MKRN1: variants seen among roughly 807,000 people sequenced by gnomAD.
The protein encoded by MKRN1 is makorin ring finger protein 1, also known as E3 ubiquitin-protein ligase makorin-1.
In MKRN1, 9 loss-of-function variants were observed where a neutral mutation model predicts 55.5. The ratio of observed to expected loss-of-function variants is 0.16; its 90% CI spans 0.10 to 0.28. The LOEUF is 0.28. Among genes scored for constraint, MKRN1 ranks in the 10% least tolerant of loss-of-function variants. MKRN1 has a pLI of 1.00. For synonymous variants in MKRN1, 253 were observed against 235.9 expected (o/e 1.07, Z -0.66); for missense variants, 488 against 626.7 (o/e 0.78, Z 2.36).
intron 2 of MKRN1, among the ~76,000 whole-genome samples, chr7:140,462,531 G>A (rs1794652785): frequency 6.6e-6 from 1 of 152,152 alleles, no homozygotes; most frequent in African/African-American, 2.4e-5. Flanking sequence ...ATTTTACTGA[G>A]CTGGTCTTTA....
chr7:140,463,679 A>T (rs564431902), intron 2 of MKRN1, among the ~76,000 whole-genome samples: 4 of 152,042 alleles, frequency 2.6e-5, no homozygotes, highest in Middle Eastern at 3.4e-3. Flanking sequence ...AGGTCAGGAG[A>T]TGGAGACCAT....
chr7:140,472,118 C>A (rs935671739), intron 1 of MKRN1, 107 bp from the exon 2 acceptor site: 1 of 1,456,362 alleles, frequency 6.9e-7, no homozygotes, highest in Non-Finnish European at 9.3e-7. Context: ...CACAAACATA[C>A]GAAATAAACA....
chr7:140,472,985 C>T (rs1794979582), intron 1 of MKRN1, among the ~76,000 whole-genome samples: 1 of 151,344 alleles, frequency 6.6e-6, no homozygotes, highest in African/African-American at 2.4e-5. Context: ...GGCATGGTGG[C>T]AGGCACCTGT....
intron 3 of MKRN1, 76 bp downstream of exon 3, chr7:140,459,631 A>T: frequency 7.2e-7 from 1 of 1,386,844 alleles, no homozygotes; most frequent in South Asian, 1.2e-5. Context: ...AGAAAGGGGA[A>T]AGTTGTCAAA....
In MKRN1 at chr7:140,472,317, C is replaced by A. The variant is rs778798004; in HGVS notation, c.186-306G>T. The A allele has an allele frequency of 9.8e-6, 3 of 305,306 alleles. No homozygotes were observed. The Admixed American group carries it at 1.4e-4, about 14-fold the overall frequency. 18.9% of individuals were successfully genotyped at this position (305,306 alleles called of 1,614,324 possible). ...GGTGTGGTGGCACACATGTTAATCC[C>A]AGCTACTCAGGAGGCTGAGGCAGGA... On this transcript the variant is annotated intron_variant, in intron 1 of 7. Coordinates refer to ENST00000255977, the MANE Select transcript of MKRN1 (RefSeq NM_013446.4).
At chr7:140,465,596 A>G (rs567515517) in intron 2 of MKRN1, among the ~76,000 whole-genome samples, 1 of 152,286 alleles carries the variant, frequency 6.6e-6, no homozygotes, top group African/African-American at 2.4e-5. Context: ...GCAATATGCA[A>G]AACAGTCCCG....
At chr7:140,463,017 T>C (rs772980351) in intron 2 of MKRN1, among the ~76,000 whole-genome samples, 4 of 152,148 alleles carry the variant, frequency 2.6e-5, no homozygotes, top group Non-Finnish European at 5.9e-5. Context: ...CCCAGCACTC[T>C]GGGAGGCCAA....
At position 140,456,643 on chromosome 7, in the gene MKRN1, G is replaced by A. The variant is rs1398760858; in HGVS notation, c.986+9C>T. The stretch of plus-strand genomic sequence containing the variant: ...GAAAGCACAAATGAAGACTGGGGAG[G>A]AGTCTCACTTTATGATCTTGCTCTC... On this transcript the variant is annotated intron_variant, in intron 5 of 7. Transcript: ENST00000255977. 2 of 1,613,474 alleles carry A rather than the reference G, an allele frequency of 1.2e-6. No homozygotes were observed. The highest frequency in any genetic ancestry group is 1.7e-6 in the Non-Finnish European group (2 of 1,179,482).
At chr7:140,475,451 G>C (rs751505483) in intron 1 of MKRN1, 24 of 257,928 alleles carry the variant, frequency 9.3e-5, no homozygotes, top group Non-Finnish European at 1.7e-4. Context: ...CTTGAGCTTA[G>C]GAGTTCAAGA....
chr7:140,473,366 C>T (rs1426798957), intron 1 of MKRN1: 1 of 400,592 alleles, frequency 2.5e-6, no homozygotes, highest in Admixed American at 3.5e-5. Context: ...ACTAGAATCC[C>T]CCTACTGCTG....
rs1794936658 is a variant in MKRN1, at chr7:140,471,866, T to C, written c.314+17A>G. The C allele has an allele frequency of 6.2e-7, 1 of 1,610,818 alleles. No homozygotes were observed. The highest frequency in any genetic ancestry group is 1.1e-5 in the South Asian group (1 of 90,398). ...CCTCCAACCCACCCCTGAACAAATT[T>C]ATAAACAAATTCTTACCTGCAGCGG... On this transcript the variant is annotated intron_variant, in intron 2 of 7. Transcript: ENST00000255977.
chr7:140,464,089 T>C (rs1794705114), intron 2 of MKRN1, among the ~76,000 whole-genome samples: 1 of 151,938 alleles, frequency 6.6e-6, no homozygotes, highest in African/African-American at 2.4e-5. Context: ...CAGCTAATTT[T>C]TGTATTTTTA....
At chr7:140,465,848 G>A (rs1279942852) in intron 2 of MKRN1, among the ~76,000 whole-genome samples, 3 of 152,142 alleles carry the variant, frequency 2.0e-5, no homozygotes, top group Non-Finnish European at 4.4e-5. Flanking sequence ...TTGGGAGGCC[G>A]AGGTGGGCGG....
At chr7:140,463,820 G>A (rs1794693831) in intron 2 of MKRN1, among the ~76,000 whole-genome samples, 1 of 152,022 alleles carries the variant, frequency 6.6e-6, no homozygotes, top group African/African-American at 2.4e-5. Flanking sequence ...GGGAGGCGGA[G>A]CTTCCAGTGA....
intron 5 of MKRN1, 41 bp downstream of exon 5, chr7:140,456,611 C>T (rs764442316): frequency 1.2e-6 from 2 of 1,602,960 alleles, no homozygotes; most frequent in Non-Finnish European, 1.7e-6. Flanking sequence ...AATTCTTCCC[C>T]AAAAGAGAAA....
chr7:140,458,150 C>T (rs1451227865), intron 4 of MKRN1, among the ~76,000 whole-genome samples: 2 of 152,116 alleles, frequency 1.3e-5, no homozygotes, highest in Admixed American at 6.6e-5. Context: ...CCTATGTAAC[C>T]CAGCAATTCC....
rs768773376 is a variant in MKRN1 at position 140,459,880 on chromosome 7, G to A, written c.371C>T (p.Thr124Ile). ...TGAGGAAGCAGCAAGGGATGACTTTGTAGTTAGCTCTGTAGCAGTTGCTTC... is the reference window on the plus strand; with the variant it reads ...TGAGGAAGCAGCAAGGGATGACTTTATAGTTAGCTCTGTAGCAGTTGCTTC... ...QEEATATELT[T>I]KSSLAASSSL... Residue 124 changes from threonine (T) to isoleucine (I), a missense_variant, in exon 3 of 8, where the codon ACA (threonine) becomes ATA (isoleucine). By Grantham distance (89) the Thr-to-Ile change is moderately conservative (BLOSUM62 -1). Coordinates refer to ENST00000255977, the MANE Select transcript of MKRN1 (RefSeq NM_013446.4). The A allele has an allele frequency of 6.8e-6, 11 of 1,613,962 alleles. No individual in the cohort carries two copies. The highest frequency in any genetic ancestry group is 9.3e-6 in the Non-Finnish European group (11 of 1,179,864).
rs371500101 is a variant in MKRN1 at position 140,459,123 on chromosome 7, C to A, written c.655G>T (p.Val219Leu). 88 of 1,613,896 alleles carry A rather than the reference C, an allele frequency of 5.5e-5. No individual in the cohort carries two copies. The highest frequency in any genetic ancestry group is 6.9e-5 in the Non-Finnish European group (82 of 1,179,892). Residue 219 changes from valine (V) to leucine (L), a missense_variant, in exon 4 of 8, where the codon GTG becomes TTG. Around this residue, in one of 2 missense-constraint regions of MKRN1, gnomAD observed 278 missense variants for 406.7 expected, o/e 0.68. Transcript: ENST00000255977. ...TTCTCCCCGTATCGGCACTCTCCCA[C>A]TGCAGCATAGGGGCACAGCTGCTTC... ...TKKQLCPYAA[V>L]GECRYGENCV...
chr7:140,456,523 T>C (rs1465626150), intron 5 of MKRN1, 129 bp downstream of exon 5: 1 of 1,464,050 alleles, frequency 6.8e-7, no homozygotes, highest in African/African-American at 1.4e-5. Flanking sequence ...GAAATCCCCA[T>C]TAGAATATCC....
Sources: allele counts gnomAD v4.1 joint callset (sites outside exome capture counted in the v4.1 genomes callset), GRCh38; gene constraint gnomAD v4.1.1; regional missense constraint gnomAD v4.1.1; transcripts MANE v1.5; gene names NCBI Gene and HGNC (gene_info 2026-07-23, HGNC 2026-07-21).